Variants in NTNG1 observed in about 807,000 individuals in gnomAD.
The protein encoded by NTNG1 is netrin-G1.
In NTNG1, 16 loss-of-function variants were observed where a neutral mutation model predicts 54.0. That is an observed-to-expected ratio of 0.30 (90% confidence interval 0.20 to 0.45). The LOEUF (loss-of-function observed/expected upper bound fraction) is 0.45, where lower values mean the gene tolerates loss of function less well. Among genes scored for constraint, NTNG1 ranks in the 20% least tolerant of loss-of-function variants. NTNG1 has a pLI of 1.00. For missense variants in NTNG1, 530 were observed against 678.7 expected (o/e 0.78, Z 2.43); for synonymous variants, 255 against 263.1 (o/e 0.97, Z 0.30).
chr1:107,336,077 T>C (rs1478195515), intron 3 of NTNG1, among the ~76,000 whole-genome samples: 1 of 151,830 alleles, frequency 6.6e-6, no homozygotes, highest in Non-Finnish European at 1.5e-5. Flanking sequence ...AATAGAAAAC[T>C]TCATGCTAAA....
intron 7 of NTNG1, among the ~76,000 whole-genome samples, chr1:107,457,052 G>A (rs1315839716): frequency 6.6e-6 from 1 of 152,132 alleles, no homozygotes; most frequent in African/African-American, 2.4e-5. Flanking sequence ...GTACAACTAG[G>A]TTATATTATC....
At chr1:107,278,792 TA>T (rs892878743) in intron 2 of NTNG1, among the ~76,000 whole-genome samples, 2 of 151,916 alleles carry the variant, frequency 1.3e-5, no homozygotes, top group Admixed American at 6.6e-5. Context: ...TTTCGTAACT[TA>T]AAAAAAAGAT....
intron 7 of NTNG1, among the ~76,000 whole-genome samples, chr1:107,437,552 G>A (rs1238234971): frequency 6.6e-6 from 1 of 152,076 alleles, no homozygotes; most frequent in Admixed American, 6.5e-5. Context: ...TCTATAGACA[G>A]GTATTTTGCT....
intron 4 of NTNG1, among the ~76,000 whole-genome samples, chr1:107,407,199 T>C (rs920649904): frequency 2.0e-5 from 3 of 152,144 alleles, no homozygotes; most frequent in Admixed American, 6.6e-5. Flanking sequence ...TGCCACGTGA[T>C]TTTCAACAGC....
At chr1:107,375,103 A>G (rs1168584584) in intron 3 of NTNG1, among the ~76,000 whole-genome samples, 1 of 152,168 alleles carries the variant, frequency 6.6e-6, no homozygotes, top group African/African-American at 2.4e-5. Context: ...GTTTCTTCAT[A>G]CACATACACT....
At chr1:107,256,699 G>C (rs1224618401) in intron 2 of NTNG1, among the ~76,000 whole-genome samples, 1 of 152,192 alleles carries the variant, frequency 6.6e-6, no homozygotes, top group African/African-American at 2.4e-5. Context: ...AGCCTGGACG[G>C]GAGGAGAGGA....
intron 5 of NTNG1, chr1:107,409,075 C>T (rs1673632817): frequency 6.6e-6 from 1 of 152,182 alleles, no homozygotes; most frequent in South Asian, 2.1e-4. Flanking sequence ...CCTAATGCTA[C>T]AGCATCCTCT....
intron 2 of NTNG1, among the ~76,000 whole-genome samples, chr1:107,188,178 T>G (rs1657613229): frequency 6.6e-6 from 1 of 152,128 alleles, no homozygotes; most frequent in African/African-American, 2.4e-5. Flanking sequence ...GTAGTCCTGA[T>G]TGATGTGAAG....
At position 107,363,802 on chromosome 1, in the gene NTNG1, C is replaced by T. The variant is rs550586963; in HGVS notation, c.888-31352C>T. ...TAACATTTAATCGTTTCAACATGCA[C>T]ATGTATATTTCCTCAAATATTATAT... is the stretch of plus-strand genomic sequence containing the variant. On this transcript the variant is annotated intron_variant, in intron 3 of 7. Transcript: ENST00000370068. Among the ~76,000 whole-genome samples the T allele has an allele frequency of 2.0e-5, 3 of 152,288 alleles. No individual in the cohort carries two copies. The East Asian group carries it at 5.8e-4, about 29-fold the overall frequency.
At chr1:107,427,639 A>C (rs1226217840) in intron 5 of NTNG1, among the ~76,000 whole-genome samples, 1 of 152,140 alleles carries the variant, frequency 6.6e-6, no homozygotes, top group Non-Finnish European at 1.5e-5. Flanking sequence ...TTATGGCCAG[A>C]GATGACAGCT....
At chr1:107,476,941 G>A (rs571712680) in intron 7 of NTNG1, among the ~76,000 whole-genome samples, 1 of 152,250 alleles carries the variant, frequency 6.6e-6, no homozygotes, top group East Asian at 1.9e-4. Flanking sequence ...ACCATTTCTA[G>A]GTATTTCAAC....
intron 2 of NTNG1, among the ~76,000 whole-genome samples, chr1:107,241,620 G>T (rs780955085): frequency 1.3e-5 from 2 of 152,146 alleles, no homozygotes; most frequent in Admixed American, 6.5e-5. Context: ...AAGCATCAGT[G>T]ACCAAAGCAA....
At chr1:107,233,325 T>C (rs946616538) in intron 2 of NTNG1, among the ~76,000 whole-genome samples, 1 of 152,208 alleles carries the variant, frequency 6.6e-6, no homozygotes, top group African/African-American at 2.4e-5. Flanking sequence ...GCTTAAATAT[T>C]TCTAACAGGA....
chr1:107,351,474 A>G (rs1309330346), intron 3 of NTNG1, among the ~76,000 whole-genome samples: 1 of 152,184 alleles, frequency 6.6e-6, no homozygotes, highest in African/African-American at 2.4e-5. Flanking sequence ...AGCAAGACCA[A>G]GAAAGATGGG....
At chr1:107,466,709 A>G (rs1677631044) in intron 7 of NTNG1, among the ~76,000 whole-genome samples, 3 of 152,190 alleles carry the variant, frequency 2.0e-5, no homozygotes, top group Non-Finnish European at 4.4e-5. Context: ...AATACCATGC[A>G]TAGCCTCCCA....
intron 6 of NTNG1, among the ~76,000 whole-genome samples, chr1:107,435,612 T>A (rs1374686319): frequency 6.6e-6 from 1 of 152,152 alleles, no homozygotes; most frequent in East Asian, 1.9e-4. Flanking sequence ...ATAGCAAATC[T>A]AATATGCCAA....
chr1:107,159,204 C>A (rs1469638474), intron 2 of NTNG1, among the ~76,000 whole-genome samples: 2 of 152,052 alleles, frequency 1.3e-5, no homozygotes. Context: ...GATGCCTGGG[C>A]CACTCCATAT....
At chr1:107,406,143 A>G (rs1673403129) in intron 4 of NTNG1, among the ~76,000 whole-genome samples, 1 of 152,166 alleles carries the variant, frequency 6.6e-6, no homozygotes. Flanking sequence ...CCAGGGTTTA[A>G]AAGAATCAGA....
intron 4 of NTNG1, among the ~76,000 whole-genome samples, chr1:107,402,996 G>A (rs1673139123): frequency 6.6e-6 from 1 of 152,028 alleles, no homozygotes; most frequent in Non-Finnish European, 1.5e-5. Context: ...AAGGAGTTAT[G>A]GCACTGTATT....
Sources: allele counts gnomAD v4.1 joint callset (sites outside exome capture counted in the v4.1 genomes callset), GRCh38; gene constraint gnomAD v4.1.1; transcripts MANE v1.5; gene names NCBI Gene and HGNC (gene_info 2026-07-23, HGNC 2026-07-21).